Variants in CCDC51 observed in about 807,000 individuals in gnomAD.
CCDC51 encodes mitochondrial potassium channel.
In CCDC51, 25 loss-of-function variants were observed where a neutral mutation model predicts 24.8. The ratio of observed to expected loss-of-function variants is 1.01; its 90% CI spans 0.73 to 1.41. The LOEUF (loss-of-function observed/expected upper bound fraction) is 1.41, where lower values mean the gene tolerates loss of function less well. CCDC51 is among the 40% of genes most tolerant of loss of function. The probability of loss-of-function intolerance (pLI) is 0.00; values close to 1 mark genes in which losing one functional copy is unlikely to be tolerated. For missense variants in CCDC51, 466 were observed against 519.1 expected (o/e 0.90, Z 0.99); for synonymous variants, 190 against 204.3 (o/e 0.93, Z 0.60).
chr3:48,442,483 ACT>A (rs1197308859), upstream of CCDC51, among the ~76,000 whole-genome samples: 2 of 129,608 alleles, frequency 1.5e-5, no homozygotes, highest in African/African-American at 6.0e-5. Context: ...AAATAGTCTC[ACT>A]CTGTCGCCCA....
Position 48,433,203 on chromosome 3 carries a change from C to A in CCDC51, c.478-37G>T. On this transcript the variant is annotated intron_variant, in intron 3 of 3. Transcript: ENST00000395694. This position sits in a 1 kb window ranked among gnomAD's most constrained non-coding sequence, Gnocchi z 4.4. ...AAGCCATGTTATTGGATTACATGGG[C>A]ACAAGGTGGCCCTGCAGCTATAGCC... 1 of 1,590,924 alleles carries A rather than the reference C, an allele frequency of 6.3e-7. No individual in the cohort carries two copies. The highest frequency in any genetic ancestry group is 8.6e-7 in the Non-Finnish European group (1 of 1,167,168).
At chr3:48,445,754 T>C in the CCDC51 span, among the ~76,000 whole-genome samples, 3 of 152,198 alleles carry the variant, frequency 2.0e-5, no homozygotes, top group Non-Finnish European at 1.5e-5. Context: ...TTCACAAATA[T>C]TCCTAGGACA....
In CCDC51 at chr3:48,433,083, C is replaced by T; in HGVS notation, c.561G>A (p.Arg187=). 1.2e-6 allele frequency: 2 copies of T among 1,614,142 alleles called. No homozygotes were observed. The highest frequency in any genetic ancestry group is 1.7e-6 in the Non-Finnish European group (2 of 1,180,026). Residue 187 remains arginine (R), a synonymous_variant, in exon 4 of 4, where the codon CGG becomes CGA. Transcript: ENST00000395694. This position sits in a 1 kb window ranked among gnomAD's most constrained non-coding sequence, Gnocchi z 4.4. ...EKFSLFSAAV[R]ESHEKERTRA... is the part of the protein sequence containing the mutation. ...TTGTGCGCTCCTTCTCATGACTTTC[C>T]CGCACAGCTGCAGAGAAGAGGGAGA...
Position 48,437,906 on chromosome 3 carries a change from G to C in CCDC51, c.-9+2082C>G, listed in dbSNP as rs1017366569. 1 of 151,680 alleles carries C rather than the reference G, an allele frequency of 6.6e-6. No homozygotes were observed. The highest frequency in any genetic ancestry group is 1.5e-5 in the Non-Finnish European group (1 of 68,004). 9.4% of individuals were successfully genotyped at this position (151,680 alleles called of 1,614,324 possible). ...GGTCCCAAATCCTCTCTCCTCCTGAGACATTACTCAGTAATTGATCTGACA... is the reference window on the plus strand; with the variant it reads ...GGTCCCAAATCCTCTCTCCTCCTGACACATTACTCAGTAATTGATCTGACA... On this transcript the variant is annotated intron_variant, in intron 1 of 3. Transcript: ENST00000395694. The surrounding 1 kb of genome is among the most constrained non-coding windows in gnomAD (Gnocchi z 4.2).
upstream of CCDC51, chr3:48,443,999 G>A (rs2039623640): frequency 5.4e-6 from 4 of 734,026 alleles, no homozygotes; most frequent in Non-Finnish European, 7.9e-6. Flanking sequence ...TTGTCTTGGA[G>A]CTGTTGTACA....
Position 48,432,683 on chromosome 3 carries a change from G to T in CCDC51, c.961C>A (p.Arg321=), listed in dbSNP as rs758989114. 1 of 1,614,224 alleles carries T rather than the reference G, an allele frequency of 6.2e-7. No individual in the cohort carries two copies. The highest frequency in any genetic ancestry group is 8.5e-7 in the Non-Finnish European group (1 of 1,180,044). ...RQVHSCLEGL[R]EQLDGLEKTC... The stretch of plus-strand genomic sequence containing the variant: ...TTTTCTAGGCCATCAAGCTGCTCTC[G>T]TAAGCCTTCTAGACATGAATGGACT... Residue 321 remains arginine (R), a synonymous_variant, in exon 4 of 4, where the codon CGA becomes AGA. Transcript: ENST00000395694.
upstream of CCDC51, chr3:48,440,463 G>T: frequency 6.2e-7 from 1 of 1,611,948 alleles, no homozygotes; most frequent in Non-Finnish European, 8.5e-7. Context: ...GACGAGGTGA[G>T]GGCGGGCGCG....
At chr3:48,439,568 G>A (rs1432542780) in intron 1 of CCDC51, among the ~76,000 whole-genome samples, 1 of 152,024 alleles carries the variant, frequency 6.6e-6, no homozygotes, top group African/African-American at 2.4e-5. Context: ...GGAAGCAGAG[G>A]TTGCAGTGAG....
At chr3:48,442,672 G>T (rs1160043480), upstream of CCDC51, among the ~76,000 whole-genome samples, 1 of 151,630 alleles carries the variant, frequency 6.6e-6, no homozygotes, top group Non-Finnish European at 1.5e-5. Context: ...GGATGGTCTC[G>T]ATCTCCTGAC....
chr3:48,445,709 A>G, the CCDC51 span, among the ~76,000 whole-genome samples: 1 of 152,032 alleles, frequency 6.6e-6, no homozygotes, highest in East Asian at 1.9e-4. Context: ...CCCTGATAGC[A>G]CTCTCTTTTT....
rs9876891 is a variant in CCDC51, at chr3:48,440,024, T to G, written c.-45A>C. The G allele has an allele frequency of 0.59, 308,267 of 524,976 alleles. 92,195 individuals are homozygous for G. Among genetic ancestry groups the G allele is most frequent in the African/African-American group, 0.72 (37,609 of 51,992 alleles). 32.5% of individuals were successfully genotyped at this position (524,976 alleles called of 1,614,324 possible). The stretch of plus-strand genomic sequence containing the variant: ...TTCCCGCGCACGGCCACAGGCCTGG[T>G]AGGCCGTCCGGTTAAGTACCCCTCC... On this transcript the variant is annotated 5_prime_UTR_variant, in exon 1 of 4. Coordinates refer to ENST00000395694, the MANE Select transcript of CCDC51 (RefSeq NM_001256964.2).
In CCDC51 at chr3:48,433,538, G is replaced by A. The variant is rs150581086; in HGVS notation, c.477+169C>T. Among the ~76,000 whole-genome samples the A allele has an allele frequency of 3.3e-5, 5 of 152,282 alleles. No individual in the cohort carries two copies. Among genetic ancestry groups the A allele is most frequent in the African/African-American group, 1.2e-4 (5 of 41,576 alleles). On this transcript the variant is annotated intron_variant, in intron 3 of 3. Coordinates refer to ENST00000395694, the MANE Select transcript of CCDC51 (RefSeq NM_001256964.2). This position sits in a 1 kb window ranked among gnomAD's most constrained non-coding sequence, Gnocchi z 4.4. ...CCCAGTACTCCAGAAGAAAGTATAT[G>A]GATAGACTCTGGAAGCTTGGGGTTC... is the stretch of plus-strand genomic sequence containing the variant.
In CCDC51 at chr3:48,440,043, C is replaced by T. The variant is rs2039513157; in HGVS notation, c.-64G>A. ...GCCTGGTAGGCCGTCCGGTTAAGTA[C>T]CCCTCCTACGGTTCCGATTCTACCC... On this transcript the variant is annotated 5_prime_UTR_variant, in exon 1 of 4. Coordinates refer to ENST00000395694, the MANE Select transcript of CCDC51 (RefSeq NM_001256964.2). The T allele has an allele frequency of 3.4e-6, 2 of 588,148 alleles. No individual in the cohort carries two copies. The highest frequency in any genetic ancestry group is 5.1e-5 in the South Asian group (2 of 39,338). The allele number at this position is 588,148 out of a possible 1,614,324, so 36.4% of individuals were successfully genotyped here. A position where few individuals can be genotyped will look rare whatever the true frequency, so the allele number is the denominator to read the frequency against.
the CCDC51 span, chr3:48,446,647 G>A: frequency 3.7e-6 from 2 of 542,346 alleles, no homozygotes; most frequent in African/African-American, 2.0e-5. Flanking sequence ...AACACCGGGC[G>A]GGGCCGGGTG....
chr3:48,440,371 G>T, upstream of CCDC51: 1 of 1,611,820 alleles, frequency 6.2e-7, no homozygotes, highest in Non-Finnish European at 8.5e-7. Context: ...CGGGCGGCAG[G>T]GGCAGGCCGA....
At chr3:48,445,909 A>G in the CCDC51 span, among the ~76,000 whole-genome samples, 1 of 152,008 alleles carries the variant, frequency 6.6e-6, no homozygotes, top group Non-Finnish European at 1.5e-5. Context: ...GCCCACCTCA[A>G]ATTGCTGCTC....
At chr3:48,445,195 A>C (rs2039647013), upstream of CCDC51, 1 of 152,034 alleles carries the variant, frequency 6.6e-6, no homozygotes, top group South Asian at 2.1e-4. Context: ...ATTAATTCAG[A>C]AGCACAAGTA....
rs146948889 is a variant in CCDC51 at position 48,435,842 on chromosome 3, G to A, written c.-8-706C>T. 0.013 allele frequency among the ~76,000 whole-genome samples: 1,932 copies of A among 151,740 alleles called. 43 individuals are homozygous for A. Among genetic ancestry groups the A allele is most frequent in the Non-Finnish European group, 0.012 (823 of 67,942 alleles). On this transcript the variant is annotated intron_variant, in intron 1 of 3. Transcript: ENST00000395694. This position sits in a 1 kb window ranked among gnomAD's most constrained non-coding sequence, Gnocchi z 4.2. ...TCTTAGGTTCACGCCATACAACTCCGCCCCCAGACTTTCCAGGCTACCAAC... is the reference window on the plus strand; with the variant it reads ...TCTTAGGTTCACGCCATACAACTCCACCCCCAGACTTTCCAGGCTACCAAC...
the CCDC51 span, chr3:48,446,371 T>G: frequency 1.3e-5 from 2 of 153,940 alleles, no homozygotes; most frequent in Non-Finnish European, 2.9e-5. Flanking sequence ...GCCTAGGGGT[T>G]TGTGGGAGGT....
Sources: allele counts gnomAD v4.1 joint callset (sites outside exome capture counted in the v4.1 genomes callset), GRCh38; gene constraint gnomAD v4.1.1; non-coding constraint Gnocchi (gnomAD v3.1); transcripts MANE v1.5; gene names NCBI Gene and HGNC (gene_info 2026-07-23, HGNC 2026-07-21).